Variants in ESCO2 observed in about 807,000 individuals in gnomAD.
ESCO2 encodes the protein N-acetyltransferase ESCO2.
In ESCO2, 51 loss-of-function variants were observed where a neutral mutation model predicts 61.7. The ratio of observed to expected loss-of-function variants is 0.83; its 90% CI spans 0.66 to 1.04. ESCO2 has a LOEUF of 1.04. Ranked by LOEUF, ESCO2 falls within the 50% of genes least tolerant of loss-of-function variation. ESCO2 has a pLI of 0.00. For synonymous variants in ESCO2, 230 were observed against 238.2 expected, an observed-to-expected ratio of 0.97 and a Z score of 0.32; for missense variants, 692 against 686.2, an observed-to-expected ratio of 1.01 and a Z score of -0.09.
rs192719924 is a variant in ESCO2, at chr8:27,780,149, G to T, written c.862-25G>T. The T allele has an allele frequency of 1.6e-3, 2,067 of 1,282,182 alleles. 36 individuals carry two copies. In the East Asian group the frequency reaches 0.041, roughly 25 times the overall value. The allele number at this position is 1,282,182 out of a possible 1,614,324, so 79.4% of individuals were successfully genotyped here. A position where few individuals can be genotyped will look rare whatever the true frequency, so the allele number is the denominator to read the frequency against. On this transcript the variant is annotated intron_variant, in intron 3 of 10. Coordinates refer to ENST00000305188, the MANE Select transcript of ESCO2 (RefSeq NM_001017420.3). ...AATAGTTAAAAATTACAGATGTTTG[G>T]TTTTTTTTTTAAACCTATTTTCAGG... is the stretch of plus-strand genomic sequence containing the variant.
At chr8:27,776,150 G>A (rs1804784294) in intron 2 of ESCO2, among the ~76,000 whole-genome samples, 1 of 151,990 alleles carries the variant, frequency 6.6e-6, no homozygotes, top group Admixed American at 6.5e-5. Context: ...TATAGTATTT[G>A]TTTTCATGAA....
chr8:27,807,162 A>G (rs1441144463), downstream of ESCO2, among the ~76,000 whole-genome samples: 1 of 152,298 alleles, frequency 6.6e-6, no homozygotes, highest in East Asian at 1.9e-4. Flanking sequence ...AATAAAAGCA[A>G]TGGTAGGGGG....
chr8:27,799,819 G>A, intron 10 of ESCO2, 103 bp downstream of exon 10: 1 of 1,319,112 alleles, frequency 7.6e-7, no homozygotes, highest in Non-Finnish European at 1.1e-6. Context: ...AGATACTTCA[G>A]TATAAATACT....
downstream of ESCO2, among the ~76,000 whole-genome samples, chr8:27,815,374 A>T (rs764846744): frequency 1.8e-4 from 28 of 152,202 alleles, 1 homozygote; most frequent in Non-Finnish European, 3.5e-4. Context: ...GGCAAGAAGG[A>T]AAGATGAGTG....
downstream of ESCO2, among the ~76,000 whole-genome samples, chr8:27,815,851 G>C (rs1805800118): frequency 6.6e-6 from 1 of 152,206 alleles, no homozygotes; most frequent in Admixed American, 6.5e-5. Flanking sequence ...TGCCACCTAT[G>C]TTAGTGATTG....
Position 27,776,603 on chromosome 8 carries a change from A to G in ESCO2, c.295A>G (p.Arg99Gly). 2 of 1,614,052 alleles carry G rather than the reference A, an allele frequency of 1.2e-6. No individual in the cohort carries two copies. Among genetic ancestry groups the G allele is most frequent in the South Asian group, 1.1e-5 (1 of 91,078 alleles). Residue 99 changes from arginine (R) to glycine (G), a missense_variant, in exon 3 of 11, where the codon AGA (arginine) becomes GGA (glycine). Coordinates refer to ENST00000305188, the MANE Select transcript of ESCO2 (RefSeq NM_001017420.3). ...TAAGTGGTACCTCAATCCACTGGAG[A>G]GAAAGCTGATAAAAGAGAGTAGATC... is the stretch of plus-strand genomic sequence containing the variant. Reference protein sequence around the residue: ...QNKWYLNPLERKLIKESRSTC... With the variant: ...QNKWYLNPLEGKLIKESRSTC...
downstream of ESCO2, chr8:27,810,495 G>T: frequency 6.3e-7 from 1 of 1,594,200 alleles, no homozygotes. Flanking sequence ...TTCATCAAAA[G>T]TTTTATCTTG....
At chr8:27,790,647 A>G (rs926483670) in intron 7 of ESCO2, among the ~76,000 whole-genome samples, 2 of 152,110 alleles carry the variant, frequency 1.3e-5, no homozygotes. Flanking sequence ...AGTTTTTCCT[A>G]TATTTAAAAA....
chr8:27,772,980 G>A (rs1281808112), upstream of ESCO2, among the ~76,000 whole-genome samples: 3 of 152,144 alleles, frequency 2.0e-5, no homozygotes, highest in African/African-American at 7.2e-5. Context: ...CTTTGTTCTG[G>A]CTTAAATCGA....
intron 9 of ESCO2, among the ~76,000 whole-genome samples, chr8:27,797,802 T>A (rs1805333964): frequency 6.6e-6 from 1 of 152,242 alleles, no homozygotes; most frequent in Non-Finnish European, 1.5e-5. Context: ...TTATATCACC[T>A]ACAAAAGCTC....
downstream of ESCO2, chr8:27,811,229 T>A: frequency 9.8e-7 from 1 of 1,024,440 alleles, no homozygotes; most frequent in Non-Finnish European, 1.5e-6. Context: ...GAACAAGTAG[T>A]TCACAGGTTA....
intron 10 of ESCO2, among the ~76,000 whole-genome samples, chr8:27,799,943 C>T (rs542455659): frequency 6.6e-5 from 10 of 150,848 alleles, no homozygotes. Flanking sequence ...TTTCAAACTA[C>T]CTGTGCTAAA....
upstream of ESCO2, chr8:27,772,435 G>A (rs1168816008): frequency 7.0e-7 from 1 of 1,420,514 alleles, no homozygotes; most frequent in Non-Finnish European, 9.7e-7. Flanking sequence ...GCGAGGGTCA[G>A]GCGCAGCGGC....
At chr8:27,791,300 ATCAG>A (rs1013363712) in intron 7 of ESCO2, among the ~76,000 whole-genome samples, 18 of 152,072 alleles carry the variant, frequency 1.2e-4, no homozygotes, top group African/African-American at 3.9e-4. Context: ...ATTTTTTCCA[ATCAG>A]TCAGTTATAC....
At chr8:27,806,642 G>A (rs1805569386), downstream of ESCO2, among the ~76,000 whole-genome samples, 2 of 148,776 alleles carry the variant, frequency 1.3e-5, no homozygotes, top group East Asian at 1.9e-4. Flanking sequence ...TTTTTTAGAC[G>A]GAGTTTTGCT....
chr8:27,772,211 A>G, upstream of ESCO2: 1 of 533,262 alleles, frequency 1.9e-6, no homozygotes, highest in Non-Finnish European at 3.4e-6. Context: ...AGGAGCCCAC[A>G]GGCTCTGCCC....
At chr8:27,811,210 G>T, downstream of ESCO2, 2 of 1,208,786 alleles carry the variant, frequency 1.7e-6, no homozygotes, top group South Asian at 2.4e-5. Context: ...GGAAACAGGC[G>T]AACGATTTGA....
chr8:27,816,216 C>T (rs1325689858), downstream of ESCO2, among the ~76,000 whole-genome samples: 1 of 151,856 alleles, frequency 6.6e-6, no homozygotes, highest in African/African-American at 2.4e-5. Context: ...AGATTAGGAG[C>T]TGCAACAGGG....
At chr8:27,792,604 A>T (rs1805201827) in intron 8 of ESCO2, 64 bp from the exon 9 acceptor site, 1 of 1,497,222 alleles carries the variant, frequency 6.7e-7, no homozygotes, top group South Asian at 1.2e-5. Flanking sequence ...TGTGTATATA[A>T]ATATGTATAG....
Sources: gnomAD v4.1 joint callset for allele counts (sites outside exome capture counted in the v4.1 genomes callset) on GRCh38, gnomAD v4.1.1 for gene constraint, MANE v1.5 for transcripts, NCBI Gene and HGNC (gene_info 2026-07-23, HGNC 2026-07-21) for gene names.